C8orf34: variants seen among roughly 807,000 people sequenced by gnomAD.
The protein encoded by C8orf34 is uncharacterized protein C8orf34.
In C8orf34, 65 loss-of-function variants were observed where a neutral mutation model predicts 68.3. The ratio of observed to expected loss-of-function variants is 0.95; its 90% CI spans 0.78 to 1.17. The LOEUF is 1.17. C8orf34 is among the 50% of genes most tolerant of loss of function. The pLI, the probability that C8orf34 is intolerant of heterozygous loss-of-function variation, is 0.00. For missense variants in C8orf34, 664 were observed against 655.4 expected (o/e 1.01, Z -0.14); for synonymous variants, 244 against 241.2 (o/e 1.01, Z -0.11).
chr8:68,373,386 A>G (rs1030271086), intron 1 of C8orf34, among the ~76,000 whole-genome samples: 4 of 152,312 alleles, frequency 2.6e-5, no homozygotes, highest in Non-Finnish European at 5.9e-5. Context: ...GAAATAATCC[A>G]GCTCTCTCTA....
chr8:68,786,693 G>A (rs1253687966), intron 11 of C8orf34, among the ~76,000 whole-genome samples: 1 of 152,162 alleles, frequency 6.6e-6, no homozygotes, highest in East Asian at 1.9e-4. Context: ...GAACATGTTA[G>A]ACAAGTATGG....
At chr8:68,671,563 A>C (rs1820011424) in intron 8 of C8orf34, among the ~76,000 whole-genome samples, 1 of 152,230 alleles carries the variant, frequency 6.6e-6, no homozygotes, top group Admixed American at 6.5e-5. Context: ...TAGCATGGGA[A>C]TGCTGAATTC....
chr8:68,809,601 A>G (rs1382963080), intron 12 of C8orf34, among the ~76,000 whole-genome samples: 1 of 152,192 alleles, frequency 6.6e-6, no homozygotes, highest in Non-Finnish European at 1.5e-5. Flanking sequence ...AGACTCCAAA[A>G]CAAAAAAGAA....
intron 7 of C8orf34, among the ~76,000 whole-genome samples, chr8:68,553,190 C>A (rs1816132675): frequency 6.6e-6 from 1 of 151,722 alleles, no homozygotes; most frequent in African/African-American, 2.4e-5. Context: ...TCGAGACCGT[C>A]CTGGCTAACA....
At chr8:68,648,842 G>C (rs1244820695) in intron 8 of C8orf34, among the ~76,000 whole-genome samples, 1 of 152,114 alleles carries the variant, frequency 6.6e-6, no homozygotes, top group Non-Finnish European at 1.5e-5. Flanking sequence ...ATTGAGTCTA[G>C]TTATATGTGG....
chr8:68,438,582 A>G (rs994395805), intron 1 of C8orf34: 17 of 152,186 alleles, frequency 1.1e-4, no homozygotes, highest in African/African-American at 3.6e-4. Context: ...AACAGCAATG[A>G]ACAGACTAGA....
chr8:68,693,871 C>T (rs1820752669), intron 8 of C8orf34, among the ~76,000 whole-genome samples: 2 of 152,016 alleles, frequency 1.3e-5, no homozygotes, highest in Admixed American at 1.3e-4. Flanking sequence ...TTGCAGCTCC[C>T]ATCTGTTGTG....
intron 5 of C8orf34, among the ~76,000 whole-genome samples, chr8:68,497,839 G>A (rs561158218): frequency 2.0e-5 from 3 of 151,612 alleles, no homozygotes; most frequent in African/African-American, 7.3e-5. Context: ...TTTGGGGGGA[G>A]ATGGGGGGAA....
At chr8:68,642,509 A>T (rs1227962440) in intron 8 of C8orf34, among the ~76,000 whole-genome samples, 1 of 152,132 alleles carries the variant, frequency 6.6e-6, no homozygotes, top group Non-Finnish European at 1.5e-5. Context: ...TACTAGGAAA[A>T]CTCATGAAAC....
At chr8:68,595,694 C>A (rs1817528464) in intron 7 of C8orf34, among the ~76,000 whole-genome samples, 1 of 152,010 alleles carries the variant, frequency 6.6e-6, no homozygotes, top group South Asian at 2.1e-4. Context: ...TTTCTCTTCA[C>A]CTGAGACATC....
chr8:68,504,753 C>CT (rs1813932416), intron 5 of C8orf34, among the ~76,000 whole-genome samples: 2 of 150,736 alleles, frequency 1.3e-5, no homozygotes, highest in Non-Finnish European at 2.9e-5. Flanking sequence ...GATCTCAGCT[C>CT]ACTGCAACCT....
chr8:68,658,882 A>AT (rs1416539308), intron 8 of C8orf34, among the ~76,000 whole-genome samples: 27 of 152,270 alleles, frequency 1.8e-4, no homozygotes, highest in African/African-American at 6.5e-4. Flanking sequence ...TTTAAAATAT[A>AT]TTGCTTTAAA....
intron 5 of C8orf34, among the ~76,000 whole-genome samples, chr8:68,517,138 A>C (rs1814553570): frequency 6.6e-6 from 1 of 152,190 alleles, no homozygotes; most frequent in South Asian, 2.1e-4. Context: ...ATTCGTTTAC[A>C]TTTTTAAATT....
intron 1 of C8orf34, among the ~76,000 whole-genome samples, chr8:68,364,968 GA>G (rs1440148407): frequency 3.3e-4 from 49 of 150,712 alleles, no homozygotes; most frequent in African/African-American, 1.1e-3. Context: ...CTGGTTTTTT[GA>G]AAGGATCAAC....
At chr8:68,488,189 G>A in intron 5 of C8orf34, 138 bp downstream of exon 5, 2 of 575,790 alleles carry the variant, frequency 3.5e-6, no homozygotes, top group Non-Finnish European at 5.9e-6. Flanking sequence ...AACTTTGAAA[G>A]TTAAATGCAT....
chr8:68,337,989 G>A lies in C8orf34; in HGVS notation c.327+6650G>A, dbSNP rs113914636. On this transcript the variant is annotated intron_variant, in intron 1 of 13. Coordinates refer to ENST00000518698, the MANE Select transcript of C8orf34 (RefSeq NM_052958.4). ...CAGAATTTCTTTATTACAAATGGTGGCATCTTCTTTGCACCTATATATAGT... is the reference window on the plus strand; with the variant it reads ...CAGAATTTCTTTATTACAAATGGTGACATCTTCTTTGCACCTATATATAGT... Among the ~76,000 whole-genome samples the A allele has an allele frequency of 3.1e-3, 467 of 152,286 alleles. 2 individuals are homozygous for A. Among genetic ancestry groups the A allele is most frequent in the African/African-American group, 0.011 (449 of 41,558 alleles).
chr8:68,375,371 G>T (rs1273825467), intron 1 of C8orf34, among the ~76,000 whole-genome samples: 1 of 152,048 alleles, frequency 6.6e-6, no homozygotes, highest in Admixed American at 6.6e-5. Flanking sequence ...GTAAACAAGG[G>T]CATGTTCAAA....
chr8:68,672,016 A>T (rs1313776938), intron 8 of C8orf34, among the ~76,000 whole-genome samples: 1 of 152,226 alleles, frequency 6.6e-6, no homozygotes, highest in East Asian at 1.9e-4. Context: ...GAAAAAACCA[A>T]AAGTTTATTA....
intron 7 of C8orf34, among the ~76,000 whole-genome samples, chr8:68,570,032 C>A (rs1353361118): frequency 1.3e-5 from 2 of 152,164 alleles, no homozygotes; most frequent in African/African-American, 4.8e-5. Flanking sequence ...CACTCCCTCT[C>A]TTTTTCATGC....
Sources: allele counts gnomAD v4.1 joint callset (sites outside exome capture counted in the v4.1 genomes callset), GRCh38; gene constraint gnomAD v4.1.1; transcripts MANE v1.5; gene names NCBI Gene and HGNC (gene_info 2026-07-23, HGNC 2026-07-21).